GRIN2A: variants seen among roughly 807,000 people sequenced by gnomAD.
The protein encoded by GRIN2A is glutamate receptor ionotropic, NMDA 2A.
Under a neutral mutation model 113.4 loss-of-function variants are expected in GRIN2A, and 22 were observed. The ratio of observed to expected loss-of-function variants is 0.19; its 90% CI spans 0.14 to 0.28. The LOEUF is 0.28. Among genes scored for constraint, GRIN2A ranks in the 10% least tolerant of loss-of-function variants. The probability of loss-of-function intolerance (pLI) is 1.00; values close to 1 mark genes in which losing one functional copy is unlikely to be tolerated. For synonymous variants in GRIN2A, 827 were observed against 738.4 expected (o/e 1.12, Z -1.94); for missense variants, 1,502 against 1,887.0 (o/e 0.80, Z 3.78).
At chr16:10,093,131 C>T (rs927538704) in intron 2 of GRIN2A, among the ~76,000 whole-genome samples, 2 of 152,174 alleles carry the variant, frequency 1.3e-5, no homozygotes, top group African/African-American at 4.8e-5. Context: ...GAGCCCCACG[C>T]CCGGCCAACC....
At chr16:9,976,252 A>G (rs1022205264) in intron 2 of GRIN2A, among the ~76,000 whole-genome samples, 1 of 152,190 alleles carries the variant, frequency 6.6e-6, no homozygotes, top group African/African-American at 2.4e-5. Flanking sequence ...TGGCATGACT[A>G]CTATGTGAGT....
Position 10,171,039 on chromosome 16 carries a change from C to T in GRIN2A, c.414+8959G>A, listed in dbSNP as rs539020827. On this transcript the variant is annotated intron_variant, in intron 2 of 12. Transcript: ENST00000330684. Reference sequence around the variant, plus strand: ...AATCTGAAGTTTTGAATTTTAATTCCATCATCCAACATCTTAATCCTTTTA... The same window carrying T: ...AATCTGAAGTTTTGAATTTTAATTCTATCATCCAACATCTTAATCCTTTTA... Among the ~76,000 whole-genome samples, 291 of 152,228 alleles carry T rather than the reference C, an allele frequency of 1.9e-3. 2 individuals are homozygous for T. Among genetic ancestry groups the T allele is most frequent in the African/African-American group, 6.8e-3 (282 of 41,528 alleles).
chr16:10,177,890 G>A (rs1475935357), intron 2 of GRIN2A, among the ~76,000 whole-genome samples: 2 of 152,110 alleles, frequency 1.3e-5, no homozygotes, highest in South Asian at 2.1e-4. Context: ...GCCTACGTTC[G>A]GATGAATGAG....
intron 10 of GRIN2A, among the ~76,000 whole-genome samples, chr16:9,804,644 G>T (rs2041930105): frequency 6.6e-6 from 1 of 151,988 alleles, no homozygotes; most frequent in African/African-American, 2.4e-5. Flanking sequence ...CCCTATAGAA[G>T]ATGTTGGAGA....
rs148676900 is a variant in GRIN2A, at chr16:10,035,143, A to C, written c.415-96592T>G. On this transcript the variant is annotated intron_variant, in intron 2 of 12. Coordinates refer to ENST00000330684, the MANE Select transcript of GRIN2A (RefSeq NM_001134407.3). ...TGGGCTCCAGTGAACCTCCTGCCTC[A>C]ACCTCTTGAGTAGCTGGGACTACAG... 2.5e-4 allele frequency among the ~76,000 whole-genome samples: 38 copies of C among 152,214 alleles called. 1 individual carries two copies. Among genetic ancestry groups the C allele is most frequent in the African/African-American group, 8.4e-4 (35 of 41,532 alleles).
At chr16:10,133,553 G>A (rs2049116647) in intron 2 of GRIN2A, among the ~76,000 whole-genome samples, 2 of 152,182 alleles carry the variant, frequency 1.3e-5, no homozygotes, top group Admixed American at 1.3e-4. Context: ...GTTGCAGTGA[G>A]CCAATATCAT....
In GRIN2A at chr16:9,891,596, G is replaced by T. The variant is rs192879351; in HGVS notation, c.1008-496C>A. On this transcript the variant is annotated intron_variant, in intron 3 of 12. Coordinates refer to ENST00000330684, the MANE Select transcript of GRIN2A (RefSeq NM_001134407.3). ...ACCCTCAAGAAGTTTAGAGTCTAAGGGGGAGGATAGTCATGAATTGATTAA... is the reference window on the plus strand; with the variant it reads ...ACCCTCAAGAAGTTTAGAGTCTAAGTGGGAGGATAGTCATGAATTGATTAA... Among the ~76,000 whole-genome samples, 417 of 152,280 alleles carry T rather than the reference G, an allele frequency of 2.7e-3. 3 individuals are homozygous for T. The highest frequency in any genetic ancestry group is 9.9e-3 in the Admixed American group (152 of 15,292).
chr16:9,785,802 C>CG (rs1567295530), intron 11 of GRIN2A, among the ~76,000 whole-genome samples: 1 of 152,122 alleles, frequency 6.6e-6, no homozygotes, highest in Non-Finnish European at 1.5e-5. Flanking sequence ...AATTAGGTGT[C>CG]TGTATTTTCT....
intron 11 of GRIN2A, among the ~76,000 whole-genome samples, chr16:9,793,304 C>T (rs1434537460): frequency 1.3e-5 from 2 of 152,078 alleles, no homozygotes. Flanking sequence ...CATTCTTGTT[C>T]TTCTCAGTAT....
At chr16:10,131,893 C>T (rs1324822805) in intron 2 of GRIN2A, among the ~76,000 whole-genome samples, 4 of 152,122 alleles carry the variant, frequency 2.6e-5, no homozygotes, top group Non-Finnish European at 5.9e-5. Context: ...ATTATTACTA[C>T]TACTGTTATT....
Position 9,761,449 on chromosome 16 carries a change from C to T in GRIN2A, c.*1700G>A, listed in dbSNP as rs548986585. On this transcript the variant is annotated 3_prime_UTR_variant, in exon 13 of 13. Transcript: ENST00000330684. ...GTAATGGCCCAAAACAGACTGAGGTCTTCTGCAAACACTGATGGCTAGTTA... is the reference window on the plus strand; with the variant it reads ...GTAATGGCCCAAAACAGACTGAGGTTTTCTGCAAACACTGATGGCTAGTTA... 8.7e-6 allele frequency: 2 copies of T among 231,062 alleles called. No individual in the cohort carries two copies. The highest frequency in any genetic ancestry group is 4.4e-5 in the African/African-American group (2 of 45,330). 14.3% of individuals were successfully genotyped at this position (231,062 alleles called of 1,614,324 possible).
intron 2 of GRIN2A, among the ~76,000 whole-genome samples, chr16:10,040,753 C>T (rs2047151684): frequency 1.3e-5 from 2 of 152,250 alleles, no homozygotes; most frequent in South Asian, 4.1e-4. Flanking sequence ...GAGACACACC[C>T]ACGCAACCCT....
chr16:9,997,205 T>C (rs954448249), intron 2 of GRIN2A, among the ~76,000 whole-genome samples: 5 of 152,202 alleles, frequency 3.3e-5, no homozygotes, highest in African/African-American at 1.2e-4. Context: ...AACAAACCAG[T>C]AATCACTAGT....
chr16:10,038,002 C>T (rs1461475283), intron 2 of GRIN2A, among the ~76,000 whole-genome samples: 3 of 152,206 alleles, frequency 2.0e-5, no homozygotes, highest in Admixed American at 6.5e-5. Context: ...CAGTCTACAT[C>T]ATAATCCCCT....
intron 10 of GRIN2A, among the ~76,000 whole-genome samples, chr16:9,803,300 G>A (rs558878640): frequency 9.0e-4 from 137 of 152,162 alleles, no homozygotes; most frequent in African/African-American, 3.0e-3. Context: ...CCAGCTACTC[G>A]GGAGGCTGAG....
intron 10 of GRIN2A, among the ~76,000 whole-genome samples, chr16:9,820,794 A>T (rs1316540057): frequency 6.6e-6 from 1 of 152,188 alleles, no homozygotes; most frequent in East Asian, 1.9e-4. Context: ...ATCAGTTTGT[A>T]CGAAGCCATA....
Position 9,765,834 on chromosome 16 carries a change from C to T in GRIN2A, c.2596-886G>A, listed in dbSNP as rs192415074. On this transcript the variant is annotated intron_variant, in intron 12 of 12. Transcript: ENST00000330684. ...AAGAGTTCTGATGACACAGTGACAC[C>T]GCCTTTAAATCCATCCAGGGAACTG... 2.2e-4 allele frequency among the ~76,000 whole-genome samples: 33 copies of T among 152,266 alleles called. No individual in the cohort carries two copies. The East Asian group carries it at 4.4e-3, about 20-fold the overall frequency.
rs190594394 is a variant in GRIN2A, at chr16:10,038,531, G to A, written c.415-99980C>T. ...CAGTAGCAACTCCACCTTATCCCCA[G>A]TTTGGACAACAGAAAAACCTAGATA... On this transcript the variant is annotated intron_variant, in intron 2 of 12. Transcript: ENST00000330684. 2.4e-4 allele frequency among the ~76,000 whole-genome samples: 37 copies of A among 151,950 alleles called. No homozygotes were observed. The East Asian group carries it at 5.0e-3, about 21-fold the overall frequency.
At chr16:9,971,303 C>G (rs1408670804) in intron 2 of GRIN2A, among the ~76,000 whole-genome samples, 1 of 152,226 alleles carries the variant, frequency 6.6e-6, no homozygotes, top group Non-Finnish European at 1.5e-5. Flanking sequence ...CAACTCAAAA[C>G]TCAACCACCA....
Sources: gnomAD v4.1 joint callset for allele counts (sites outside exome capture counted in the v4.1 genomes callset) on GRCh38, gnomAD v4.1.1 for gene constraint, MANE v1.5 for transcripts, NCBI Gene and HGNC (gene_info 2026-07-23, HGNC 2026-07-21) for gene names.